The following PSMA3 variants were observed in gnomAD, a reference collection of about 807,000 sequenced individuals.
PSMA3 encodes proteasome 20S subunit alpha 3.
A neutral mutation model predicts 40.0 loss-of-function variants in PSMA3; 8 were observed. The observed-to-expected ratio is 0.20, with a 90% CI of 0.12 to 0.36. The LOEUF (loss-of-function observed/expected upper bound fraction) is 0.36. Among genes scored for constraint, PSMA3 ranks in the 10% least tolerant of loss-of-function variants. The pLI, the probability that PSMA3 is intolerant of heterozygous loss-of-function variation, is 1.00. For missense variants in PSMA3, 219 were observed against 310.6 expected (o/e 0.70, Z 2.22); for synonymous variants, 110 against 100.0 (o/e 1.10, Z -0.59).
rs993457221 is a variant in PSMA3 at position 58,263,827 on chromosome 14, A to G, written c.543+57A>G. Reference sequence around the variant, plus strand: ...CGTCATCCTAATGCAGTGAAATTTTATCACCACAGACATTTCAGTCTAAGG... The same window carrying G: ...CGTCATCCTAATGCAGTGAAATTTTGTCACCACAGACATTTCAGTCTAAGG... On this transcript the variant is annotated intron_variant, in intron 7 of 10. Transcript: ENST00000216455. 13 of 1,483,624 alleles carry G rather than the reference A, an allele frequency of 8.8e-6. No homozygotes were observed. The African/African-American group carries it at 1.8e-4, about 21-fold the overall frequency. 91.9% of individuals were successfully genotyped at this position (1,483,624 alleles called of 1,614,324 possible).
intron 8 of PSMA3, 48 bp from the exon 9 acceptor site, chr14:58,270,370 C>A (rs773340341): frequency 6.2e-7 from 1 of 1,607,184 alleles, no homozygotes; most frequent in East Asian, 2.2e-5. Context: ...TGAACTACTT[C>A]AATGTTTGGA....
chr14:58,262,959 G>A (rs1352988942), intron 6 of PSMA3, among the ~76,000 whole-genome samples: 1 of 149,020 alleles, frequency 6.7e-6, no homozygotes, highest in Non-Finnish European at 1.5e-5. Flanking sequence ...ATATTTTGCT[G>A]TAACAGAAGT....
intron 8 of PSMA3, 105 bp downstream of exon 8, chr14:58,267,625 T>C (rs1890483901): frequency 2.3e-6 from 3 of 1,303,442 alleles, no homozygotes; most frequent in Admixed American, 3.6e-5. Context: ...AATAACTTAG[T>C]GTATAATTTT....
chr14:58,254,823 G>A (rs1243220410), intron 3 of PSMA3, among the ~76,000 whole-genome samples: 2 of 152,110 alleles, frequency 1.3e-5, no homozygotes, highest in East Asian at 1.9e-4. Flanking sequence ...TTCTAAACAC[G>A]CGTTTCCTTG....
rs1414444642 is a variant in PSMA3 at position 58,269,192 on chromosome 14, A to G, written c.591-1226A>G. On this transcript the variant is annotated intron_variant, in intron 8 of 10. Coordinates refer to ENST00000216455, the MANE Select transcript of PSMA3 (RefSeq NM_002788.4). The stretch of plus-strand genomic sequence containing the variant: ...TGTGATCCACCCACCTTGGCCTCCC[A>G]AAGTGCTGGGATTACAGATGTGAAC... Among the ~76,000 whole-genome samples the G allele has an allele frequency of 2.0e-5, 3 of 151,998 alleles. 1 individual carries two copies. The highest frequency in any genetic ancestry group is 4.4e-5 in the Non-Finnish European group (3 of 67,940).
chr14:58,257,496 T>C (rs1273620291), intron 3 of PSMA3, among the ~76,000 whole-genome samples: 4 of 146,504 alleles, frequency 2.7e-5, no homozygotes, highest in African/African-American at 1.0e-4. Context: ...AGACCCCGTA[T>C]CAAAAAAAAA....
chr14:58,249,952 G>A (rs562094910), intron 2 of PSMA3, among the ~76,000 whole-genome samples: 82 of 152,244 alleles, frequency 5.4e-4, no homozygotes, highest in Non-Finnish European at 1.0e-3. Flanking sequence ...CTGGGCGTGA[G>A]CCACGCCTGT....
chr14:58,270,326 A>G, intron 8 of PSMA3, 92 bp from the exon 9 acceptor site: 3 of 1,526,726 alleles, frequency 2.0e-6, no homozygotes, highest in East Asian at 2.3e-5. Flanking sequence ...TTTATTATGG[A>G]TGGACATTCT....
In PSMA3 at chr14:58,254,519, A is replaced by G. The variant is rs113568162; in HGVS notation, c.228+2277A>G. Among the ~76,000 whole-genome samples, 1,217 of 150,538 alleles carry G rather than the reference A, an allele frequency of 8.1e-3. 24 individuals carry two copies. Among genetic ancestry groups the G allele is most frequent in the African/African-American group, 0.028 (1,136 of 40,936 alleles). On this transcript the variant is annotated intron_variant, in intron 3 of 10. Transcript: ENST00000216455. ...CCTGGCTAATTTTTTAGTTTTTTTA[A>G]GAGATATGATCTTGCTGTGTTGCTC...
At chr14:58,252,341 C>A (rs1037249626) in intron 3 of PSMA3, 99 bp downstream of exon 3, 18 of 1,390,174 alleles carry the variant, frequency 1.3e-5, no homozygotes, top group Non-Finnish European at 1.7e-5. Context: ...GTAATCAGAG[C>A]AAGTTACTGC....
chr14:58,257,868 G>A (rs747099791), intron 4 of PSMA3, 22 bp downstream of exon 4: 2 of 1,611,860 alleles, frequency 1.2e-6, no homozygotes, highest in African/African-American at 2.7e-5. Context: ...ACATATTGAG[G>A]AACCTTTTGG....
chr14:58,253,436 A>T (rs773452108), intron 3 of PSMA3, among the ~76,000 whole-genome samples: 5 of 152,342 alleles, frequency 3.3e-5, no homozygotes, highest in African/African-American at 4.8e-5. Flanking sequence ...TAGCTTTCTT[A>T]TATCTAAATG....
chr14:58,244,877 G>T lies in PSMA3; in HGVS notation c.-44G>T. 1 of 1,614,126 alleles carries T rather than the reference G, an allele frequency of 6.2e-7. No homozygotes were observed. Among genetic ancestry groups the T allele is most frequent in the East Asian group, 2.2e-5 (1 of 44,876 alleles). Reference sequence around the variant, plus strand: ...CGGCATCCTGTGGTATAGGGGAAGCGCTCCGGGCCTGGAATCCCTACGCGT... The same window carrying T: ...CGGCATCCTGTGGTATAGGGGAAGCTCTCCGGGCCTGGAATCCCTACGCGT... On this transcript the variant is annotated 5_prime_UTR_variant, in exon 1 of 11. Transcript: ENST00000216455.
chr14:58,262,737 A>G (rs1344083233), intron 6 of PSMA3, among the ~76,000 whole-genome samples: 1 of 149,878 alleles, frequency 6.7e-6, no homozygotes, highest in East Asian at 2.0e-4. Context: ...TAATTTTTGT[A>G]TTTTTAGTAG....
At chr14:58,256,828 A>C (rs9743908) in intron 3 of PSMA3, among the ~76,000 whole-genome samples, 1 of 151,796 alleles carries the variant, frequency 6.6e-6, no homozygotes, top group Non-Finnish European at 1.5e-5. Flanking sequence ...AGAGAAAAGA[A>C]CAAATTTGGG....
Position 58,267,538 on chromosome 14 carries a change from T to C in PSMA3, c.590+18T>C. On this transcript the variant is annotated intron_variant, in intron 8 of 10. Transcript: ENST00000216455. ...GCAAAAATGTAAGTTGAAATTTTTC[T>C]TACCATCCACAAAAATATTTCATTT... 1 of 1,567,290 alleles carries C rather than the reference T, an allele frequency of 6.4e-7. No individual in the cohort carries two copies. The highest frequency in any genetic ancestry group is 1.2e-5 in the South Asian group (1 of 80,474).
chr14:58,244,986 G>T, intron 1 of PSMA3, 45 bp downstream of exon 1: 1 of 1,613,902 alleles, frequency 6.2e-7, no homozygotes, highest in Non-Finnish European at 8.5e-7. Context: ...CTAAGGATTG[G>T]GGTTGAAGGG....
At chr14:58,256,007 C>T (rs879272820) in intron 3 of PSMA3, among the ~76,000 whole-genome samples, 3 of 151,960 alleles carry the variant, frequency 2.0e-5, no homozygotes, top group African/African-American at 4.8e-5. Context: ...TATAGGTGCC[C>T]GCCACCAAAC....
At chr14:58,245,905 C>T (rs1254573316) in intron 1 of PSMA3, among the ~76,000 whole-genome samples, 3 of 152,188 alleles carry the variant, frequency 2.0e-5, no homozygotes, top group Non-Finnish European at 4.4e-5. Context: ...GTTATGAATG[C>T]TAAAGTTCTG....
Sources: allele counts gnomAD v4.1 joint callset (sites outside exome capture counted in the v4.1 genomes callset), GRCh38; gene constraint gnomAD v4.1.1; transcripts MANE v1.5; gene names NCBI Gene and HGNC (gene_info 2026-07-23, HGNC 2026-07-21).